The following RAD51B variants were observed in gnomAD, a reference collection of about 807,000 sequenced individuals.
RAD51B encodes the protein RAD51 paralog B.
RAD51B carries 38 observed loss-of-function variants against 42.2 expected under a neutral mutation model. The observed-to-expected ratio is 0.90, with a 90% CI of 0.70 to 1.18. The LOEUF (loss-of-function observed/expected upper bound fraction) is 1.18. Among genes scored for constraint, RAD51B ranks in the 50% most tolerant of loss-of-function variants. The probability of loss-of-function intolerance (pLI) is 0.00; values close to 1 mark genes in which losing one functional copy is unlikely to be tolerated. For missense variants in RAD51B, 373 were observed against 400.7 expected (o/e 0.93, Z 0.59); for synonymous variants, 154 against 145.2 (o/e 1.06, Z -0.43).
intron 7 of RAD51B, among the ~76,000 whole-genome samples, chr14:67,914,789 A>G (rs1455057505): frequency 1.3e-5 from 2 of 152,150 alleles, no homozygotes; most frequent in African/African-American, 2.4e-5. Context: ...GGTCATTTGC[A>G]GACATGTGCA....
At chr14:68,044,321 TAG>T (rs2076264577) in intron 7 of RAD51B, among the ~76,000 whole-genome samples, 1 of 152,254 alleles carries the variant, frequency 6.6e-6, no homozygotes, top group Non-Finnish European at 1.5e-5. Context: ...GACAGTGTGA[TAG>T]AGACTCTTTT....
At chr14:68,644,654 C>T (rs1057242627) in intron 10 of RAD51B, among the ~76,000 whole-genome samples, 11 of 152,132 alleles carry the variant, frequency 7.2e-5, no homozygotes, top group Non-Finnish European at 1.6e-4. Context: ...ATCTCTGCTC[C>T]GTTTTCAATC....
At chr14:68,496,444 C>G (rs1236262263) in intron 10 of RAD51B, among the ~76,000 whole-genome samples, 1 of 152,244 alleles carries the variant, frequency 6.6e-6, no homozygotes, top group Non-Finnish European at 1.5e-5. Context: ...ATGCTGGTCT[C>G]CTGTCACCAT....
chr14:68,677,293 T>C (rs1893327724), intron 11 of RAD51B, among the ~76,000 whole-genome samples: 1 of 152,168 alleles, frequency 6.6e-6, no homozygotes, highest in African/African-American at 2.4e-5. Context: ...ATTTGCCCAG[T>C]GATGGATGCA....
chr14:68,446,533 A>C (rs1217123202), intron 9 of RAD51B, among the ~76,000 whole-genome samples: 1 of 152,168 alleles, frequency 6.6e-6, no homozygotes, highest in Admixed American at 6.5e-5. Flanking sequence ...TTTCCTTTCT[A>C]CAGAGATTGG....
chr14:68,156,017 G>C (rs2078496620), intron 7 of RAD51B, among the ~76,000 whole-genome samples: 1 of 152,102 alleles, frequency 6.6e-6, no homozygotes, highest in South Asian at 2.1e-4. Context: ...AGATCTTTTT[G>C]TTTCTTCTGT....
intron 4 of RAD51B, among the ~76,000 whole-genome samples, chr14:67,850,141 G>A (rs555832239): frequency 8.9e-4 from 136 of 152,100 alleles, no homozygotes; most frequent in Non-Finnish European, 1.6e-3. Flanking sequence ...GACTATAGGC[G>A]TGTGCCATCA....
rs186093295 is a variant in RAD51B, at chr14:68,192,873, G to T, written c.757-99011G>T. ...TCTGAATGGATTTTGGAATAATTACGTAAATTGATTTTTCTGATCAAGGAA... is the reference window on the plus strand; with the variant it reads ...TCTGAATGGATTTTGGAATAATTACTTAAATTGATTTTTCTGATCAAGGAA... On this transcript the variant is annotated intron_variant, in intron 7 of 10. Coordinates refer to ENST00000471583, the MANE Select transcript of RAD51B (RefSeq NM_133510.4). Among the ~76,000 whole-genome samples the T allele has an allele frequency of 3.1e-3, 477 of 152,258 alleles. 5 individuals are homozygous for T. The highest frequency in any genetic ancestry group is 6.8e-3 in the Middle Eastern group (2 of 294).
At chr14:67,980,258 C>T (rs2075066908) in intron 7 of RAD51B, among the ~76,000 whole-genome samples, 1 of 152,018 alleles carries the variant, frequency 6.6e-6, no homozygotes, top group African/African-American at 2.4e-5. Context: ...CAGCCTTACC[C>T]ACATGGCAAA....
chr14:67,895,954 C>G (rs1000072491), intron 7 of RAD51B, among the ~76,000 whole-genome samples: 2 of 152,120 alleles, frequency 1.3e-5, no homozygotes, highest in African/African-American at 2.4e-5. Flanking sequence ...CCAGTTAATT[C>G]TACCTTCTTT....
intron 7 of RAD51B, among the ~76,000 whole-genome samples, chr14:68,272,859 T>G (rs2081147028): frequency 6.7e-6 from 1 of 149,920 alleles, no homozygotes. Flanking sequence ...TAATTTTTTG[T>G]ATTTTTAGTA....
intron 4 of RAD51B, chr14:67,864,768 A>G (rs1331569792): frequency 5.9e-6 from 4 of 676,516 alleles, no homozygotes; most frequent in Non-Finnish European, 7.6e-6. Context: ...TTGAGTGACT[A>G]TTTTCTCAAT....
At chr14:68,209,155 A>G (rs987282242) in intron 7 of RAD51B, among the ~76,000 whole-genome samples, 12 of 152,202 alleles carry the variant, frequency 7.9e-5, no homozygotes, top group Admixed American at 6.5e-5. Flanking sequence ...TCAAAATGGT[A>G]TATTTTTTTC....
intron 7 of RAD51B, among the ~76,000 whole-genome samples, chr14:68,148,658 C>T (rs1216897249): frequency 6.6e-6 from 1 of 152,166 alleles, no homozygotes; most frequent in African/African-American, 2.4e-5. Flanking sequence ...TGTTACGATA[C>T]TCTCTCGTGA....
At position 67,983,395 on chromosome 14, in the gene RAD51B, T is replaced by TGAG. The variant is rs144051549; in HGVS notation, c.756+96192_756+96193insAGG. Among the ~76,000 whole-genome samples, 1,055 of 152,334 alleles carry TGAG rather than the reference T, an allele frequency of 6.9e-3. 12 individuals are homozygous for TGAG. Among genetic ancestry groups the TGAG allele is most frequent in the African/African-American group, 0.024 (990 of 41,576 alleles). On this transcript the variant is annotated intron_variant, in intron 7 of 10. Transcript: ENST00000471583. ...GCTGCTATTGACATAAGAAGGCCTA[T>TGAG]GTAGTCCTATGTAGGCCTTTTTATG...
At chr14:68,603,198 C>T (rs906835288) in intron 10 of RAD51B, among the ~76,000 whole-genome samples, 1 of 152,190 alleles carries the variant, frequency 6.6e-6, no homozygotes, top group African/African-American at 2.4e-5. Flanking sequence ...CCCTCAATCA[C>T]TTGTGGGTTA....
At chr14:68,609,685 T>C (rs1891599567) in intron 10 of RAD51B, among the ~76,000 whole-genome samples, 1 of 152,130 alleles carries the variant, frequency 6.6e-6, no homozygotes, top group South Asian at 2.1e-4. Flanking sequence ...GGGCTTCCCT[T>C]AGATGGCTTT....
chr14:67,851,812 G>C (rs1248137690), intron 4 of RAD51B, among the ~76,000 whole-genome samples: 1 of 152,098 alleles, frequency 6.6e-6, no homozygotes, highest in Non-Finnish European at 1.5e-5. Flanking sequence ...GCCTTTGGAA[G>C]CTCCACCCTA....
At chr14:68,137,292 A>G (rs149423835) in intron 7 of RAD51B, among the ~76,000 whole-genome samples, 1 of 152,198 alleles carries the variant, frequency 6.6e-6, no homozygotes, top group Non-Finnish European at 1.5e-5. Flanking sequence ...TGACATTACT[A>G]GTACAAGCTG....
Sources: gnomAD v4.1 joint callset for allele counts (sites outside exome capture counted in the v4.1 genomes callset) on GRCh38, gnomAD v4.1.1 for gene constraint, MANE v1.5 for transcripts, NCBI Gene and HGNC (gene_info 2026-07-23, HGNC 2026-07-21) for gene names.